Variants in EWSR1 observed in about 807,000 individuals in gnomAD.
The protein encoded by EWSR1 is RNA-binding protein EWS.
EWSR1 carries 14 observed loss-of-function variants against 92.1 expected under a neutral mutation model. The ratio of observed to expected loss-of-function variants is 0.15; its 90% CI spans 0.10 to 0.24. The LOEUF (loss-of-function observed/expected upper bound fraction) is 0.24. EWSR1 is among the 10% of genes least tolerant of loss of function. The probability of loss-of-function intolerance (pLI) is 1.00; values close to 1 mark genes in which losing one functional copy is unlikely to be tolerated. For synonymous variants in EWSR1, 303 were observed against 292.9 expected (o/e 1.03, Z -0.35); for missense variants, 637 against 870.9 (o/e 0.73, Z 3.38).
At position 29,268,317 on chromosome 22, in the gene EWSR1, A is replaced by G. The variant is rs758943413; in HGVS notation, c.-20A>G. 2 of 1,613,748 alleles carry G rather than the reference A, an allele frequency of 1.2e-6. No individual in the cohort carries two copies. Among genetic ancestry groups the G allele is most frequent in the South Asian group, 2.2e-5 (2 of 91,078 alleles). On this transcript the variant is annotated 5_prime_UTR_variant, in exon 1 of 17. Coordinates refer to ENST00000397938, the MANE Select transcript of EWSR1 (RefSeq NM_005243.4). ...CGAGAGGGAGACGGACGTTGAGAGA[A>G]CGAGGAGGAAGGAGAGAAAATGGCG...
At chr22:29,278,717 C>T (rs565230799) in intron 5 of EWSR1, among the ~76,000 whole-genome samples, 2 of 151,622 alleles carry the variant, frequency 1.3e-5, no homozygotes, top group African/African-American at 2.4e-5. Context: ...CCCAGCTACT[C>T]GGGAGGCTGA....
intron 4 of EWSR1, chr22:29,274,568 T>A (rs1381715843): frequency 9.8e-6 from 4 of 407,118 alleles, no homozygotes; most frequent in East Asian, 3.7e-5. Flanking sequence ...CCCAGCTGAT[T>A]TTCCCCTGTT....
chr22:29,268,295 G>A lies in EWSR1; in HGVS notation c.-42G>A, dbSNP rs367933864. ...AGTGCGGCGCCTAGAGGGAAAGCGA[G>A]AGGGAGACGGACGTTGAGAGAACGA... On this transcript the variant is annotated 5_prime_UTR_variant, in exon 1 of 17. Coordinates refer to ENST00000397938, the MANE Select transcript of EWSR1 (RefSeq NM_005243.4). The A allele has an allele frequency of 3.1e-6, 5 of 1,609,624 alleles. No individual in the cohort carries two copies. The highest frequency in any genetic ancestry group is 2.2e-5 in the East Asian group (1 of 44,856).
At chr22:29,293,023 A>G (rs1465968483) in intron 11 of EWSR1, among the ~76,000 whole-genome samples, 1 of 152,000 alleles carries the variant, frequency 6.6e-6, no homozygotes, top group African/African-American at 2.4e-5. Flanking sequence ...AAGTGCTGGG[A>G]TTACAGGTGT....
At chr22:29,293,476 G>A (rs1277974666) in intron 11 of EWSR1, among the ~76,000 whole-genome samples, 2 of 152,148 alleles carry the variant, frequency 1.3e-5, no homozygotes, top group Non-Finnish European at 1.5e-5. Flanking sequence ...CTAAATCTAT[G>A]AAGTAATTTC....
chr22:29,288,492 G>A (rs2147408833), intron 7 of EWSR1, 114 bp from the exon 8 acceptor site: 1 of 965,528 alleles, frequency 1.0e-6, no homozygotes, highest in African/African-American at 1.6e-5. Context: ...ATGTAAAGAA[G>A]ATGGTGCCTT....
At chr22:29,287,493 C>T (rs1179003673) in intron 7 of EWSR1, among the ~76,000 whole-genome samples, 1 of 152,210 alleles carries the variant, frequency 6.6e-6, no homozygotes, top group South Asian at 2.1e-4. Context: ...CAGTCATGAG[C>T]CACTGCGCCC....
At chr22:29,289,455 T>C (rs1023545978) in intron 8 of EWSR1, 7 of 232,252 alleles carry the variant, frequency 3.0e-5, no homozygotes, top group Admixed American at 2.8e-4. Flanking sequence ...TAGAAAACTT[T>C]GTTTAGATCA....
At chr22:29,289,527 A>G (rs925935121) in intron 8 of EWSR1, 10 of 231,624 alleles carry the variant, frequency 4.3e-5, no homozygotes, top group East Asian at 6.1e-5. Flanking sequence ...CCTTTTCCCT[A>G]TCTGGTGTCT....
At chr22:29,279,149 T>G (rs969405316) in intron 5 of EWSR1, among the ~76,000 whole-genome samples, 9 of 151,830 alleles carry the variant, frequency 5.9e-5, no homozygotes, top group African/African-American at 1.5e-4. Context: ...GTGTGTGTGT[T>G]TTCACTCAAA....
intron 4 of EWSR1, chr22:29,277,407 CTG>C (rs1386544414): frequency 2.3e-5 from 5 of 222,036 alleles, no homozygotes; most frequent in African/African-American, 8.9e-5. Flanking sequence ...AAAGGATAAA[CTG>C]TGTTAAGCAA....
chr22:29,285,396 A>G (rs988335328), intron 6 of EWSR1, among the ~76,000 whole-genome samples: 1 of 151,252 alleles, frequency 6.6e-6, no homozygotes, highest in Non-Finnish European at 1.5e-5. Flanking sequence ...TGCTGGGATT[A>G]CAGGCATGAG....
chr22:29,280,108 A>C (rs1210118460), intron 5 of EWSR1, among the ~76,000 whole-genome samples: 1 of 151,914 alleles, frequency 6.6e-6, no homozygotes, highest in African/African-American at 2.4e-5. Context: ...TTTGAGATGG[A>C]GTGTTGCTCT....
Position 29,268,365 on chromosome 22 carries a change from C to G in EWSR1, c.13+16C>G, listed in dbSNP as rs986375036. 1 of 1,614,074 alleles carries G rather than the reference C, an allele frequency of 6.2e-7. No homozygotes were observed. Among genetic ancestry groups the G allele is most frequent in the South Asian group, 1.1e-5 (1 of 91,086 alleles). ...GCGTCCACGGGTGAGTATGGTGGAA[C>G]TGCGGTCGCGCCGGCGGTAGCCGGA... On this transcript the variant is annotated intron_variant, in intron 1 of 16. Coordinates refer to ENST00000397938, the MANE Select transcript of EWSR1 (RefSeq NM_005243.4).
At chr22:29,285,122 GT>G (rs35739164) in intron 6 of EWSR1, among the ~76,000 whole-genome samples, 71 of 111,594 alleles carry the variant, frequency 6.4e-4, no homozygotes, top group African/African-American at 1.3e-3. Flanking sequence ...TCTGGCCCTT[GT>G]TTTTTTTTTT....
At chr22:29,272,110 C>T in intron 1 of EWSR1, 106 bp from the exon 2 acceptor site, 1 of 1,025,818 alleles carries the variant, frequency 9.7e-7, no homozygotes, top group Non-Finnish European at 1.5e-6. Context: ...GCAGGTCTCC[C>T]TACAGTTTAA....
At chr22:29,293,015 G>A (rs943067691) in intron 11 of EWSR1, among the ~76,000 whole-genome samples, 1 of 151,914 alleles carries the variant, frequency 6.6e-6, no homozygotes, top group African/African-American at 2.4e-5. Context: ...GCCTCCCAAA[G>A]TGCTGGGATT....
At chr22:29,271,019 C>T (rs780902261) in intron 1 of EWSR1, among the ~76,000 whole-genome samples, 3 of 152,028 alleles carry the variant, frequency 2.0e-5, no homozygotes, top group Non-Finnish European at 2.9e-5. Context: ...GATAAGCCAA[C>T]GTGAAGAGAT....
At chr22:29,278,296 G>C in intron 5 of EWSR1, 80 bp downstream of exon 5, 8 of 1,388,138 alleles carry the variant, frequency 5.8e-6, no homozygotes, top group Non-Finnish European at 7.8e-6. Flanking sequence ...AATAATCTGT[G>C]GTTTAGTTCC....
Sources: gnomAD v4.1 joint callset for allele counts (sites outside exome capture counted in the v4.1 genomes callset) on GRCh38, gnomAD v4.1.1 for gene constraint, MANE v1.5 for transcripts, NCBI Gene and HGNC (gene_info 2026-07-23, HGNC 2026-07-21) for gene names.